RIMOC1: variants seen among roughly 807,000 people sequenced by gnomAD.
RIMOC1 encodes the protein RAB7A interacting MON1-CCZ1 complex subunit 1, also known as RAB7A-interacting MON1-CCZ1 complex subunit 1.
chr5:41,912,320 T>A, the RIMOC1 span: 6 of 580,042 alleles, frequency 1.0e-5, no homozygotes, highest in African/African-American at 1.1e-4. Flanking sequence ...ATAAAGGGTT[T>A]ATATAAAATT....
At chr5:41,911,137 A>G in the RIMOC1 span, 1 of 1,609,302 alleles carries the variant, frequency 6.2e-7, no homozygotes, top group Non-Finnish European at 8.5e-7. Flanking sequence ...CTCTTACCAA[A>G]AGAAGAGAGT....
At chr5:41,910,842 A>T in the RIMOC1 span, among the ~76,000 whole-genome samples, 1 of 152,140 alleles carries the variant, frequency 6.6e-6, no homozygotes, top group Non-Finnish European at 1.5e-5. Flanking sequence ...CTACTAGTAA[A>T]TTGAAGTTAT....
the RIMOC1 span, chr5:41,917,788 C>G: frequency 1.1e-6 from 1 of 884,744 alleles, no homozygotes; most frequent in Non-Finnish European, 1.4e-6. Context: ...TATTCAGATT[C>G]CATTTTCAAT....
At chr5:41,916,986 C>A in the RIMOC1 span, 1 of 1,533,526 alleles carries the variant, frequency 6.5e-7, no homozygotes. Flanking sequence ...GCTTTTAATT[C>A]TAATCTGTCA....
chr5:41,918,402 TCC>T, the RIMOC1 span: 3 of 985,804 alleles, frequency 3.0e-6, no homozygotes, highest in Non-Finnish European at 3.6e-6. Context: ...TCTTGACTGC[TCC>T]CCTTCCTCCT....
At chr5:41,917,404 C>T in the RIMOC1 span, 3 of 1,440,078 alleles carry the variant, frequency 2.1e-6, no homozygotes, top group East Asian at 2.5e-5. Context: ...GAGAACATTA[C>T]ACTGCATAAA....
At chr5:41,916,925 AC>A in the RIMOC1 span, 4 of 1,176,602 alleles carry the variant, frequency 3.4e-6, no homozygotes, top group Non-Finnish European at 4.7e-6. Context: ...ATGCTTAATG[AC>A]AAAAGGAACT....
At chr5:41,913,868 C>T in the RIMOC1 span, among the ~76,000 whole-genome samples, 3 of 152,096 alleles carry the variant, frequency 2.0e-5, no homozygotes, top group African/African-American at 7.2e-5. Context: ...GACATTTTGA[C>T]AAACATAGGA....
At chr5:41,910,916 G>A in the RIMOC1 span, 6 of 917,654 alleles carry the variant, frequency 6.5e-6, no homozygotes, top group Middle Eastern at 3.3e-4. Context: ...GCCTCCCTGT[G>A]TAAGCAGCTA....
the RIMOC1 span, chr5:41,912,071 C>G: frequency 6.4e-7 from 1 of 1,572,516 alleles, no homozygotes; most frequent in Non-Finnish European, 8.7e-7. Context: ...TTATTTAGTA[C>G]CTTCTTGATG....
At chr5:41,911,722 C>A in the RIMOC1 span, among the ~76,000 whole-genome samples, 1 of 152,184 alleles carries the variant, frequency 6.6e-6, no homozygotes, top group Non-Finnish European at 1.5e-5. Flanking sequence ...TAAATTATAA[C>A]CACATACATG....
the RIMOC1 span, chr5:41,911,952 C>G: frequency 1.4e-6 from 1 of 696,426 alleles, no homozygotes; most frequent in Non-Finnish European, 2.6e-6. Flanking sequence ...TAGCTGTAAG[C>G]TATGCCTATA....
the RIMOC1 span, chr5:41,917,005 G>A: frequency 6.3e-7 from 1 of 1,574,952 alleles, no homozygotes. Context: ...CAACCTAAAT[G>A]ACTTTCCCAG....
At chr5:41,917,660 T>C in the RIMOC1 span, 12 of 974,604 alleles carry the variant, frequency 1.2e-5, no homozygotes, top group South Asian at 5.2e-4. Flanking sequence ...CTTTAGATTA[T>C]TTTTAAATCT....
the RIMOC1 span, chr5:41,918,361 C>T: frequency 1.0e-6 from 1 of 985,804 alleles, no homozygotes; most frequent in African/African-American, 1.7e-5. Flanking sequence ...TATGCTCATT[C>T]CACATTCTTC....
chr5:41,920,550 A>G, the RIMOC1 span: 5 of 152,096 alleles, frequency 3.3e-5, no homozygotes, highest in Non-Finnish European at 5.9e-5. Context: ...TAAGTAATAA[A>G]TGTATAGAGA....
chr5:41,910,096 A>G, the RIMOC1 span, among the ~76,000 whole-genome samples: 17 of 152,146 alleles, frequency 1.1e-4, no homozygotes, highest in Non-Finnish European at 1.9e-4. Flanking sequence ...GAATATTTGC[A>G]TAATAGAATT....
At chr5:41,916,045 A>G in the RIMOC1 span, among the ~76,000 whole-genome samples, 2 of 152,268 alleles carry the variant, frequency 1.3e-5, no homozygotes, top group South Asian at 4.1e-4. Context: ...TTAGGTGAAC[A>G]ACAGACATTG....
the RIMOC1 span, chr5:41,918,024 T>A: frequency 1.0e-6 from 1 of 985,444 alleles, no homozygotes; most frequent in East Asian, 1.1e-4. Context: ...TTGTAGCACA[T>A]CTTTTCATAA....
Sources: gnomAD v4.1 joint callset for allele counts (sites outside exome capture counted in the v4.1 genomes callset) on GRCh38, gnomAD v4.1.1 for gene constraint, MANE v1.5 for transcripts, NCBI Gene and HGNC (gene_info 2026-07-23, HGNC 2026-07-21) for gene names.